ERC1: variants seen among roughly 807,000 people sequenced by gnomAD.
ERC1 encodes the protein RAB6 interacting protein 2.
A neutral mutation model predicts 132.0 loss-of-function variants in ERC1; 56 were observed. That is an observed-to-expected ratio of 0.42 (90% CI 0.34 to 0.53). The LOEUF (loss-of-function observed/expected upper bound fraction) is 0.53. Among genes scored for constraint, ERC1 ranks in the 20% least tolerant of loss-of-function variants. The pLI is 0.03. For missense variants in ERC1, 1,202 were observed against 1,349.9 expected, an observed-to-expected ratio of 0.89 and a Z score of 1.72; for synonymous variants, 478 against 476.1, an observed-to-expected ratio of 1.00 and a Z score of -0.05.
rs943009952 is a variant in ERC1, at chr12:1,068,846, C to T, written c.670-14318C>T. ...TGGAGCATTGCATAGTCTCTGCATACGTAGAGCGTGAAGATGGTGTCTTTA... is the reference window on the plus strand; with the variant it reads ...TGGAGCATTGCATAGTCTCTGCATATGTAGAGCGTGAAGATGGTGTCTTTA... On this transcript the variant is annotated intron_variant, in intron 2 of 18. Transcript: ENST00000360905. 3.9e-5 allele frequency among the ~76,000 whole-genome samples: 6 copies of T among 152,048 alleles called. No homozygotes were observed. In the South Asian group the frequency reaches 6.2e-4, roughly 16 times the overall value.
chr12:1,298,414 G>T (rs1281933960), intron 15 of ERC1, among the ~76,000 whole-genome samples: 1 of 151,606 alleles, frequency 6.6e-6, no homozygotes, highest in Non-Finnish European at 1.5e-5. Context: ...GTGGTGGCGG[G>T]TGTCTGTTAT....
intron 1 of ERC1, among the ~76,000 whole-genome samples, chr12:998,760 C>A (rs1961485807): frequency 6.6e-6 from 1 of 151,998 alleles, no homozygotes; most frequent in Admixed American, 6.6e-5. Context: ...AGAGCGGATA[C>A]CCCTCCTTCC....
intron 18 of ERC1, among the ~76,000 whole-genome samples, chr12:1,446,602 A>G (rs2093310275): frequency 6.6e-6 from 1 of 152,250 alleles, no homozygotes; most frequent in Non-Finnish European, 1.5e-5. Context: ...TATTTAATAC[A>G]GAACTTCCTG....
chr12:1,418,232 A>T (rs1204076036), intron 17 of ERC1, among the ~76,000 whole-genome samples: 1 of 152,220 alleles, frequency 6.6e-6, no homozygotes, highest in Non-Finnish European at 1.5e-5. Flanking sequence ...CTACCCCAAA[A>T]TATGGCACGT....
chr12:1,337,686 C>T (rs1595082954), intron 15 of ERC1, among the ~76,000 whole-genome samples: 1 of 152,108 alleles, frequency 6.6e-6, no homozygotes, highest in South Asian at 2.1e-4. Flanking sequence ...AATGGTCTTT[C>T]CTTTCCATAT....
At chr12:1,408,001 G>A (rs1434410326) in intron 16 of ERC1, 148 bp from the exon 17 acceptor site, 1 of 595,894 alleles carries the variant, frequency 1.7e-6, no homozygotes, top group East Asian at 2.8e-5. Flanking sequence ...ACTCTTTCCA[G>A]TATCCTCAGA....
At chr12:1,443,752 C>T (rs1208947763) in intron 17 of ERC1, 3 of 152,246 alleles carry the variant, frequency 2.0e-5, no homozygotes. Flanking sequence ...AAATGAAATC[C>T]TGGGGCAGGA....
intron 14 of ERC1, among the ~76,000 whole-genome samples, chr12:1,286,155 G>A (rs761367138): frequency 1.1e-4 from 17 of 152,100 alleles, no homozygotes; most frequent in East Asian, 1.9e-4. Flanking sequence ...TTAACCAGAC[G>A]TGGTGGTGCA....
In ERC1 at chr12:1,090,945, T is replaced by C. The variant is rs572456162; in HGVS notation, c.1086+7365T>C. Reference sequence around the variant, plus strand: ...GACAGAGCTTTGCTCTGTCCCAGGCTGGAGTGCAGTGGCGCAATCTTGGCT... The same window carrying C: ...GACAGAGCTTTGCTCTGTCCCAGGCCGGAGTGCAGTGGCGCAATCTTGGCT... On this transcript the variant is annotated intron_variant, in intron 3 of 18. Transcript: ENST00000360905. 6.0e-4 allele frequency among the ~76,000 whole-genome samples: 75 copies of C among 125,368 alleles called. 6 individuals carry two copies. Among genetic ancestry groups the C allele is most frequent in the African/African-American group, 1.3e-3 (47 of 36,382 alleles). 82.2% of individuals were successfully genotyped at this position (125,368 alleles called of 152,430 possible).
chr12:1,042,118 C>T (rs1970309837), intron 2 of ERC1, among the ~76,000 whole-genome samples: 2 of 151,974 alleles, frequency 1.3e-5, no homozygotes, highest in South Asian at 4.2e-4. Context: ...GCTCATTGCA[C>T]GCTCCGCTTC....
intron 15 of ERC1, among the ~76,000 whole-genome samples, chr12:1,343,092 A>G (rs989757011): frequency 2.6e-5 from 4 of 152,216 alleles, no homozygotes; most frequent in Admixed American, 6.5e-5. Flanking sequence ...GTTTATTAAG[A>G]AAACAGTCCT....
chr12:1,094,476 T>C (rs1943750591), intron 3 of ERC1, among the ~76,000 whole-genome samples: 2 of 149,818 alleles, frequency 1.3e-5, no homozygotes, highest in Admixed American at 1.3e-4. Flanking sequence ...AGTGGTGCGA[T>C]CTCAGCTCAC....
chr12:1,485,266 G>A (rs10848487), intron 18 of ERC1, among the ~76,000 whole-genome samples: 52,538 of 143,952 alleles, frequency 0.36, 9,876 homozygotes, highest in Middle Eastern at 0.47. Context: ...GTGCAGTGGC[G>A]TGATCTTAGC....
intron 17 of ERC1, among the ~76,000 whole-genome samples, chr12:1,425,505 C>G (rs1312573919): frequency 6.6e-6 from 1 of 152,202 alleles, no homozygotes; most frequent in African/African-American, 2.4e-5. Context: ...GCAGCCTTTC[C>G]TCATAGCAAG....
chr12:1,287,196 C>T (rs2079094333), intron 14 of ERC1, among the ~76,000 whole-genome samples: 3 of 152,090 alleles, frequency 2.0e-5, no homozygotes, highest in African/African-American at 7.2e-5. Flanking sequence ...ATTGGCTATC[C>T]ATATGGGGAA....
chr12:1,442,140 C>T (rs1302708802), intron 17 of ERC1, among the ~76,000 whole-genome samples: 1 of 152,162 alleles, frequency 6.6e-6, no homozygotes, highest in Non-Finnish European at 1.5e-5. Flanking sequence ...GTTGGCCAGG[C>T]TGCTCTCAAA....
chr12:1,336,962 A>C (rs1336714637), intron 15 of ERC1, among the ~76,000 whole-genome samples: 2 of 151,832 alleles, frequency 1.3e-5, no homozygotes, highest in African/African-American at 4.8e-5. Flanking sequence ...CATGCTGGCT[A>C]TTTTGTTCTG....
Position 1,408,190 on chromosome 12 carries a change from T to C in ERC1, c.2967T>C (p.Asp989=). 1 of 1,614,100 alleles carries C rather than the reference T, an allele frequency of 6.2e-7. No individual in the cohort carries two copies. ...AGCTAATGGCCGACAACTACGAGGA[T>C]GACCACTTCAAATCCTCCCATTCCA... The part of the protein sequence containing the change: ...RMKLMADNYE[D]DHFKSSHSNQ... The change falls in exon 17 of 19, where the codon GAT becomes GAC. Residue 989 remains aspartate (D), a synonymous_variant. Coordinates refer to ENST00000360905, the MANE Select transcript of ERC1 (RefSeq NM_178040.4).
chr12:1,012,164 T>G (rs1460105435), intron 1 of ERC1, among the ~76,000 whole-genome samples: 1 of 152,184 alleles, frequency 6.6e-6, no homozygotes, highest in Non-Finnish European at 1.5e-5. Flanking sequence ...GTTCATAGAA[T>G]TACTGGATCA....
Sources: allele counts gnomAD v4.1 joint callset (sites outside exome capture counted in the v4.1 genomes callset), GRCh38; gene constraint gnomAD v4.1.1; transcripts MANE v1.5; gene names NCBI Gene and HGNC (gene_info 2026-07-23, HGNC 2026-07-21).